Variants in RNF215 observed in about 807,000 individuals in gnomAD.
The protein encoded by RNF215 is ring finger protein 215.
RNF215 carries 41 observed loss-of-function variants against 44.8 expected under a neutral mutation model. The observed-to-expected ratio is 0.92, with a 90% CI of 0.71 to 1.19. RNF215 has a LOEUF of 1.19. Ranked by LOEUF, RNF215 falls within the 50% of genes most tolerant of loss-of-function variation. The pLI, the probability that RNF215 is intolerant of heterozygous loss-of-function variation, is 0.00. For missense variants in RNF215, 452 were observed against 496.2 expected (o/e 0.91, Z 0.85); for synonymous variants, 218 against 230.1 (o/e 0.95, Z 0.48).
chr22:30,379,893 T>G, intron 7 of RNF215, 80 bp from the exon 8 acceptor site: 1 of 1,509,772 alleles, frequency 6.6e-7, no homozygotes, highest in Non-Finnish European at 9.1e-7. Flanking sequence ...GCCCCTCGCC[T>G]CAGCTGGGGA....
chr22:30,382,419 A>G (rs1278926590), intron 5 of RNF215, among the ~76,000 whole-genome samples: 1 of 152,000 alleles, frequency 6.6e-6, no homozygotes, highest in Non-Finnish European at 1.5e-5. Context: ...AAAAAAAAAA[A>G]AAGCTTGTGG....
chr22:30,381,433 C>T (rs1362413632), intron 5 of RNF215, among the ~76,000 whole-genome samples: 1 of 152,218 alleles, frequency 6.6e-6, no homozygotes, highest in African/African-American at 2.4e-5. Context: ...GATCTTGACT[C>T]AACTTGCCCC....
At position 30,380,928 on chromosome 22, in the gene RNF215, C is replaced by T. The variant is rs1389025688; in HGVS notation, c.745-527G>A. Among the ~76,000 whole-genome samples, 1 of 152,140 alleles carries T rather than the reference C, an allele frequency of 6.6e-6. No homozygotes were observed. Among genetic ancestry groups the T allele is most frequent in the Non-Finnish European group, 1.5e-5 (1 of 68,014 alleles). On this transcript the variant is annotated intron_variant, in intron 5 of 8. Transcript: ENST00000382363. The surrounding 1 kb of genome is among the most constrained non-coding windows in gnomAD (Gnocchi z 5.3). Reference sequence around the variant, plus strand: ...TCCTGGGTGGGGGTGGGTCTCATGCCCTCCTTGCCACCCACTTCCCACCCA... The same window carrying T: ...TCCTGGGTGGGGGTGGGTCTCATGCTCTCCTTGCCACCCACTTCCCACCCA...
intron 4 of RNF215, among the ~76,000 whole-genome samples, chr22:30,385,635 A>C (rs1050880193): frequency 6.6e-6 from 1 of 151,836 alleles, no homozygotes; most frequent in Admixed American, 6.6e-5. Context: ...AATACAAAAA[A>C]TTAGCTGGGT....
chr22:30,386,790 G>A lies in RNF215; in HGVS notation c.286-31C>T, dbSNP rs1933606616. The A allele has an allele frequency of 4.4e-6, 7 of 1,589,434 alleles. No individual in the cohort carries two copies. The Admixed American group carries it at 1.0e-4, about 23-fold the overall frequency. ...TGGCAAGGGGCCATGAGCAGAGGGAGGTAGGGTGTGGTGGGGGAGGGAGCC... is the reference window on the plus strand; with the variant it reads ...TGGCAAGGGGCCATGAGCAGAGGGAAGTAGGGTGTGGTGGGGGAGGGAGCC... On this transcript the variant is annotated intron_variant, in intron 1 of 8. Transcript: ENST00000382363.
chr22:30,381,211 C>T (rs1933525473), intron 5 of RNF215, among the ~76,000 whole-genome samples: 1 of 152,216 alleles, frequency 6.6e-6, no homozygotes, highest in African/African-American at 2.4e-5. Flanking sequence ...ACCCGCTCTA[C>T]CCAGCGTTCC....
intron 2 of RNF215, 41 bp from the exon 3 acceptor site, chr22:30,386,182 C>G (rs1601760375): frequency 6.5e-7 from 1 of 1,532,818 alleles, no homozygotes; most frequent in African/African-American, 1.4e-5. Flanking sequence ...ATATACCCTG[C>G]CTGCACACCT....
At chr22:30,382,836 T>A (rs928410659) in intron 5 of RNF215, among the ~76,000 whole-genome samples, 6 of 151,788 alleles carry the variant, frequency 4.0e-5, no homozygotes, top group African/African-American at 1.5e-4. Context: ...TGGTGGTTCA[T>A]CACGCCTGTA....
chr22:30,383,671 G>A (rs1601758901), intron 5 of RNF215, among the ~76,000 whole-genome samples: 1 of 152,272 alleles, frequency 6.6e-6, no homozygotes, highest in Non-Finnish European at 1.5e-5. Flanking sequence ...CCAAGCGCTG[G>A]AAATCCAGAG....
chr22:30,384,036 T>C (rs190436026), intron 5 of RNF215, among the ~76,000 whole-genome samples: 3 of 152,218 alleles, frequency 2.0e-5, no homozygotes, highest in Non-Finnish European at 4.4e-5. Flanking sequence ...GAGTGAGTGA[T>C]GCAGAGAGCT....
In RNF215 at chr22:30,378,842, T is replaced by C. The variant is rs1366584665; in HGVS notation, c.*758A>G. 1 of 148,794 alleles carries C rather than the reference T, an allele frequency of 6.7e-6. No homozygotes were observed. The highest frequency in any genetic ancestry group is 2.5e-5 in the African/African-American group (1 of 40,236). 9.2% of individuals were successfully genotyped at this position (148,794 alleles called of 1,614,324 possible). A position where few individuals can be genotyped will look rare whatever the true frequency, so the allele number is the denominator to read the frequency against. On this transcript the variant is annotated 3_prime_UTR_variant, in exon 9 of 9. Coordinates refer to ENST00000382363, the MANE Select transcript of RNF215 (RefSeq NM_001017981.2). ...CATCTTATGTTAAAATATAGCCACG[T>C]TTATTTTACTATTAAACCTTCCCTA...
At chr22:30,381,816 C>T (rs1933533276) in intron 5 of RNF215, among the ~76,000 whole-genome samples, 1 of 152,192 alleles carries the variant, frequency 6.6e-6, no homozygotes, top group Non-Finnish European at 1.5e-5. Context: ...CCCCAGCTCC[C>T]CTCTCCATCC....
At position 30,380,338 on chromosome 22, in the gene RNF215, C is replaced by T. The variant is rs147654869; in HGVS notation, c.808G>A (p.Val270Met). 3.3e-5 allele frequency: 53 copies of T among 1,611,742 alleles called. No homozygotes were observed. The African/African-American group carries it at 3.5e-4, about 11-fold the overall frequency. ...LVAMLLCTGL[V>M]VQAQRQASRQ... is the part of the protein sequence containing the mutation. ...GACGCCTGCCGCTGGGCCTGGACCA[C>T]GAGGCCTGTGCACAGGAGCATGGCC... is the stretch of plus-strand genomic sequence containing the variant. Residue 270 changes from valine to methionine, a missense_variant, in exon 6 of 9, where the codon GTG becomes ATG. Transcript: ENST00000382363. This position sits in a 1 kb window ranked among gnomAD's most constrained non-coding sequence, Gnocchi z 5.3.
intron 5 of RNF215, among the ~76,000 whole-genome samples, chr22:30,382,963 A>T (rs111951673): frequency 6.6e-6 from 1 of 152,192 alleles, no homozygotes; most frequent in African/African-American, 2.4e-5. Flanking sequence ...TTAGCTAGAC[A>T]TGGTGGCACG....
At position 30,380,049 on chromosome 22, in the gene RNF215, C is replaced by G; in HGVS notation, c.1008+13G>C. 6.2e-7 allele frequency: 1 copy of G among 1,613,562 alleles called. No individual in the cohort carries two copies. Among genetic ancestry groups the G allele is most frequent in the African/African-American group, 1.3e-5 (1 of 75,020 alleles). ...AGGTGAGCTGATGGCTGGTCTCTAC[C>G]CGGGGCACTAGCCTGTTTGTTGCAG... is the stretch of plus-strand genomic sequence containing the variant. On this transcript the variant is annotated intron_variant, in intron 7 of 8. Coordinates refer to ENST00000382363, the MANE Select transcript of RNF215 (RefSeq NM_001017981.2). This position sits in a 1 kb window ranked among gnomAD's most constrained non-coding sequence, Gnocchi z 5.3.
Position 30,382,943 on chromosome 22 carries a change from A to T in RNF215, c.744+1396T>A, listed in dbSNP as rs1360440280. Among the ~76,000 whole-genome samples the T allele has an allele frequency of 2.6e-5, 4 of 152,142 alleles. No homozygotes were observed. The East Asian group carries it at 7.7e-4, about 29-fold the overall frequency. ...ATAGTGAAACCCCATCTCTACAAAAAATACAAAAATTAGCTAGACATGGTG... is the reference window on the plus strand; with the variant it reads ...ATAGTGAAACCCCATCTCTACAAAATATACAAAAATTAGCTAGACATGGTG... On this transcript the variant is annotated intron_variant, in intron 5 of 8. Transcript: ENST00000382363.
In RNF215 at chr22:30,387,180, C is replaced by T. The variant is rs1378412566; in HGVS notation, c.134G>A (p.Gly45Asp). The T allele has an allele frequency of 3.8e-5, 42 of 1,095,784 alleles. No homozygotes were observed. Among genetic ancestry groups the T allele is most frequent in the African/African-American group, 2.0e-4 (12 of 59,450 alleles). The allele number at this position is 1,095,784 out of a possible 1,614,324, so 67.9% of individuals were successfully genotyped here. ...CCCCGCCCCGGCCGCCGGCTCGCTG[C>T]CGTCCGCCGCGGCCCCGGGCCCCGC... ...GLAGPGAAAD[G>D]SEPAAGAGRG... Residue 45 changes from glycine to aspartate, a missense_variant, in exon 1 of 9, where the codon GGC becomes GAC. By Grantham distance (94) the Gly-to-Asp change is moderately conservative. Coordinates refer to ENST00000382363, the MANE Select transcript of RNF215 (RefSeq NM_001017981.2).
At chr22:30,381,890 G>A (rs1240702471) in intron 5 of RNF215, among the ~76,000 whole-genome samples, 3 of 152,186 alleles carry the variant, frequency 2.0e-5, no homozygotes, top group Non-Finnish European at 4.4e-5. Flanking sequence ...CTGTCCCCAA[G>A]CTCCAGGCTG....
Position 30,380,079 on chromosome 22 carries a change from A to T in RNF215, c.991T>A (p.Tyr331Asn), listed in dbSNP as rs779805084. ...GAETCAVCLD[Y>N]FCNKQWLRVL... ...GCACTAGCCTGTTTGTTGCAGAAGT[A>T]GTCCAGGCACACCGCACAGGTCTCA... The change falls in exon 7 of 9, where the codon TAC (tyrosine) becomes AAC (asparagine). Residue 331 changes from tyrosine to asparagine, a missense_variant. Physicochemically the swap from Tyr to Asn is moderately radical, Grantham distance 143. Coordinates refer to ENST00000382363, the MANE Select transcript of RNF215 (RefSeq NM_001017981.2). The surrounding 1 kb of genome is among the most constrained non-coding windows in gnomAD (Gnocchi z 5.3). The T allele has an allele frequency of 1.2e-6, 2 of 1,613,874 alleles. No homozygotes were observed. Among genetic ancestry groups the T allele is most frequent in the Admixed American group, 3.3e-5 (2 of 60,014 alleles).
Sources: allele counts gnomAD v4.1 joint callset (sites outside exome capture counted in the v4.1 genomes callset), GRCh38; gene constraint gnomAD v4.1.1; non-coding constraint Gnocchi (gnomAD v3.1); transcripts MANE v1.5; gene names NCBI Gene and HGNC (gene_info 2026-07-23, HGNC 2026-07-21).